The following PDE4B variants were observed in gnomAD, a reference collection of about 807,000 sequenced individuals.
PDE4B encodes 3',5'-cyclic-AMP phosphodiesterase 4B.
PDE4B carries 20 observed loss-of-function variants against 82.2 expected under a neutral mutation model. That is an observed-to-expected ratio of 0.24 (90% confidence interval 0.17 to 0.35). The LOEUF (loss-of-function observed/expected upper bound fraction) is 0.35, where lower values mean the gene tolerates loss of function less well. Ranked by LOEUF, PDE4B falls within the 10% of genes least tolerant of loss-of-function variation. The pLI, the probability that PDE4B is intolerant of heterozygous loss-of-function variation, is 1.00. For synonymous variants in PDE4B, 320 were observed against 318.9 expected (o/e 1.00, Z -0.04); for missense variants, 655 against 907.2 (o/e 0.72, Z 3.57).
chr1:66,221,300 C>T (rs182791973), intron 3 of PDE4B, among the ~76,000 whole-genome samples: 93 of 152,220 alleles, frequency 6.1e-4, no homozygotes, highest in Non-Finnish European at 1.2e-3. Context: ...TGACCTACCT[C>T]GGATCACATG....
At chr1:66,186,377 C>A (rs1485406096) in intron 3 of PDE4B, among the ~76,000 whole-genome samples, 1 of 152,102 alleles carries the variant, frequency 6.6e-6, no homozygotes, top group African/African-American at 2.4e-5. Flanking sequence ...TGAAGAAAGT[C>A]ATTGGTAACT....
chr1:66,087,586 T>C (rs964527869), intron 3 of PDE4B, among the ~76,000 whole-genome samples: 2 of 152,070 alleles, frequency 1.3e-5, no homozygotes, highest in African/African-American at 4.8e-5. Flanking sequence ...ATGTCCTGAA[T>C]GGTAATGCCT....
intron 1 of PDE4B, among the ~76,000 whole-genome samples, chr1:65,794,810 G>A (rs1570940412): frequency 6.6e-6 from 1 of 152,258 alleles, no homozygotes; most frequent in East Asian, 1.9e-4. Flanking sequence ...ATGCATTGAG[G>A]CTGTTTATCT....
intron 8 of PDE4B, among the ~76,000 whole-genome samples, chr1:66,353,590 A>G (rs1662002141): frequency 6.6e-6 from 1 of 152,118 alleles, no homozygotes; most frequent in Non-Finnish European, 1.5e-5. Context: ...GGGGTAGGGT[A>G]ACAGAGGGGA....
intron 3 of PDE4B, among the ~76,000 whole-genome samples, chr1:66,223,603 A>T (rs1651180500): frequency 6.6e-6 from 1 of 151,994 alleles, no homozygotes; most frequent in Admixed American, 6.6e-5. Context: ...CTCCTAGCTG[A>T]TTGTTCCCTT....
intron 3 of PDE4B, chr1:65,992,586 A>G (rs552456158): frequency 7.9e-6 from 2 of 253,358 alleles, no homozygotes; most frequent in Admixed American, 5.9e-5. Context: ...ATGAGTTGAT[A>G]TATTCAGCTG....
intron 3 of PDE4B, among the ~76,000 whole-genome samples, chr1:65,977,598 A>G (rs960284875): frequency 2.0e-5 from 3 of 152,226 alleles, no homozygotes; most frequent in African/African-American, 4.8e-5. Context: ...TAATAAAAAA[A>G]TCAGATCTAA....
intron 3 of PDE4B, among the ~76,000 whole-genome samples, chr1:66,105,080 G>C (rs1366431295): frequency 6.6e-6 from 1 of 152,074 alleles, no homozygotes; most frequent in Non-Finnish European, 1.5e-5. Flanking sequence ...TAGGTCTAAC[G>C]TTTATGTCTT....
At chr1:66,329,948 C>T (rs907995179) in intron 7 of PDE4B, among the ~76,000 whole-genome samples, 1 of 152,260 alleles carries the variant, frequency 6.6e-6, no homozygotes, top group Middle Eastern at 3.4e-3. Context: ...CTGAGTATCT[C>T]CTAGGTGCTA....
chr1:65,828,338 C>T (rs12075284), intron 1 of PDE4B, among the ~76,000 whole-genome samples: 3,059 of 152,142 alleles, frequency 0.02, 96 homozygotes, highest in African/African-American at 0.071. Flanking sequence ...CTCTGCCTCC[C>T]GGTTTCAAGC....
intron 3 of PDE4B, among the ~76,000 whole-genome samples, chr1:66,070,321 G>C (rs1344285813): frequency 6.6e-6 from 1 of 151,750 alleles, no homozygotes; most frequent in Non-Finnish European, 1.5e-5. Context: ...ACTATATATA[G>C]TCTGTAACTA....
intron 3 of PDE4B, among the ~76,000 whole-genome samples, chr1:66,096,236 T>C (rs1294798701): frequency 1.3e-5 from 2 of 151,772 alleles, no homozygotes; most frequent in East Asian, 3.9e-4. Context: ...ATCAACATTT[T>C]TAGCTTCCTC....
intron 2 of PDE4B, among the ~76,000 whole-genome samples, chr1:65,914,981 C>T (rs941446864): frequency 3.9e-5 from 6 of 152,110 alleles, no homozygotes; most frequent in African/African-American, 1.4e-4. Context: ...ATATACAGTG[C>T]AATACAAAGC....
intron 3 of PDE4B, among the ~76,000 whole-genome samples, chr1:65,956,641 G>A (rs115121220): frequency 0.01 from 1,597 of 152,206 alleles, 34 homozygotes; most frequent in African/African-American, 0.037. Context: ...CGCGAAATAC[G>A]TGAATAGTAA....
chr1:65,792,928 C>G lies in PDE4B; in HGVS notation c.-391C>G, dbSNP rs983603674. Reference sequence around the variant, plus strand: ...AGAGAAGAGCTGAGGGGCGCGTCGCCAGCGCCTGTGTCTCCCTGGCGCGGG... The same window carrying G: ...AGAGAAGAGCTGAGGGGCGCGTCGCGAGCGCCTGTGTCTCCCTGGCGCGGG... On this transcript the variant is annotated 5_prime_UTR_variant, in exon 1 of 17. Coordinates refer to ENST00000341517, the MANE Select transcript of PDE4B (RefSeq NM_002600.4). Among the ~76,000 whole-genome samples the G allele has an allele frequency of 1.3e-5, 2 of 151,886 alleles. No homozygotes were observed. Among genetic ancestry groups the G allele is most frequent in the Non-Finnish European group, 2.9e-5 (2 of 67,920 alleles).
chr1:66,051,583 A>G (rs12040101), intron 3 of PDE4B, among the ~76,000 whole-genome samples: 12,524 of 152,072 alleles, frequency 0.082, 967 homozygotes, highest in East Asian at 0.26. Context: ...GAGGTAGAAA[A>G]CATTTATTAT....
intron 3 of PDE4B, among the ~76,000 whole-genome samples, chr1:66,207,727 G>C (rs1361709212): frequency 6.6e-6 from 1 of 152,206 alleles, no homozygotes; most frequent in South Asian, 2.1e-4. Flanking sequence ...CATAATGATA[G>C]AGGATTCTAT....
intron 4 of PDE4B, among the ~76,000 whole-genome samples, chr1:66,249,782 T>C (rs1653612836): frequency 6.6e-6 from 1 of 151,364 alleles, no homozygotes; most frequent in Admixed American, 6.6e-5. Flanking sequence ...TTTTTAAAGA[T>C]AAGGACTTAG....
intron 3 of PDE4B, chr1:65,992,502 T>C (rs563873830): frequency 4.3e-4 from 69 of 160,300 alleles, no homozygotes; most frequent in Non-Finnish European, 6.3e-4. Flanking sequence ...CATTAGTGAA[T>C]GCAGCTTGTT....
Sources: gnomAD v4.1 joint callset for allele counts (sites outside exome capture counted in the v4.1 genomes callset) on GRCh38, gnomAD v4.1.1 for gene constraint, MANE v1.5 for transcripts, NCBI Gene and HGNC (gene_info 2026-07-23, HGNC 2026-07-21) for gene names.